IL17RA: variants seen among roughly 807,000 people sequenced by gnomAD.
IL17RA encodes interleukin-17 receptor A.
A neutral mutation model predicts 50.4 loss-of-function variants in IL17RA; 34 were observed. That is an observed-to-expected ratio of 0.67 (90% CI 0.51 to 0.90). The LOEUF (loss-of-function observed/expected upper bound fraction) is 0.90. IL17RA is among the 40% of genes least tolerant of loss of function. The probability of loss-of-function intolerance (pLI) is 0.00; values close to 1 mark genes in which losing one functional copy is unlikely to be tolerated. For synonymous variants in IL17RA, 585 were observed against 510.4 expected (o/e 1.15, Z -1.97); for missense variants, 1,276 against 1,169.8 (o/e 1.09, Z -1.32).
rs1568917407 is a variant in IL17RA at position 17,094,671 on chromosome 22, C to CTATA, written c.139-2390_139-2389insATAT. ...TCATACACACACTCTCTCTCTCTCTCTCTCTCTCTCTCTCTCTCTCTATAT... is the reference window on the plus strand; with the variant it reads ...TCATACACACACTCTCTCTCTCTCTCTATATCTCTCTCTCTCTCTCTCTCTATAT... On this transcript the variant is annotated intron_variant, in intron 1 of 12. Transcript: ENST00000319363. Among the ~76,000 whole-genome samples, 69 of 40,750 alleles carry CTATA rather than the reference C, an allele frequency of 1.7e-3. 10 individuals carry two copies. Among genetic ancestry groups the CTATA allele is most frequent in the Non-Finnish European group, 2.6e-3 (52 of 20,078 alleles). 26.7% of individuals were successfully genotyped at this position (40,750 alleles called of 152,430 possible). A position where few individuals can be genotyped will look rare whatever the true frequency, so the allele number is the denominator to read the frequency against.
chr22:17,094,299 T>A (rs1156820911), intron 1 of IL17RA, among the ~76,000 whole-genome samples: 1 of 152,116 alleles, frequency 6.6e-6, no homozygotes, highest in Non-Finnish European at 1.5e-5. Flanking sequence ...CACTCTTCTT[T>A]ACAGGAGCTA....
chr22:17,094,749 A>G lies in IL17RA; in HGVS notation c.139-2313A>G, dbSNP rs1263278923. Among the ~76,000 whole-genome samples the G allele has an allele frequency of 3.8e-5, 5 of 131,824 alleles. 1 individual carries two copies. Among genetic ancestry groups the G allele is most frequent in the Admixed American group, 2.3e-4 (3 of 12,890 alleles). 86.5% of individuals were successfully genotyped at this position (131,824 alleles called of 152,430 possible). A position where few individuals can be genotyped will look rare whatever the true frequency, so the allele number is the denominator to read the frequency against. ...GAGATCTTTTTCATGACTTATTTCC[A>G]TAGAAATTGGGATCATACTATAAAA... On this transcript the variant is annotated intron_variant, in intron 1 of 12. Coordinates refer to ENST00000319363, the MANE Select transcript of IL17RA (RefSeq NM_014339.7).
chr22:17,107,867 GTCCC>G, intron 12 of IL17RA, 99 bp downstream of exon 12: 1 of 1,051,556 alleles, frequency 9.5e-7, no homozygotes, highest in Non-Finnish European at 1.5e-6. Flanking sequence ...TAACTCCCAA[GTCCC>G]TTCAGGAGAC....
Position 17,109,612 on chromosome 22 carries a change from C to A in IL17RA, c.2393C>A (p.Ser798Tyr). The change falls in exon 13 of 13, where the codon TCC (serine) becomes TAC (tyrosine). Residue 798 changes from serine (S) to tyrosine (Y), a missense_variant. Ser to Tyr is a moderately radical substitution (Grantham distance 144). Transcript: ENST00000319363. ...GTGCAGTCTGACCAGGGCTACATCT[C>A]CAGGAGCTCCCCGCAGCCCCCCGAG... ...QSVQSDQGYI[S>Y]RSSPQPPEGL... The A allele has an allele frequency of 6.2e-7, 1 of 1,605,956 alleles. No homozygotes were observed. The highest frequency in any genetic ancestry group is 8.5e-7 in the Non-Finnish European group (1 of 1,176,548).
intron 1 of IL17RA, among the ~76,000 whole-genome samples, chr22:17,086,580 T>C (rs1472636600): frequency 1.3e-5 from 2 of 152,124 alleles, no homozygotes; most frequent in Non-Finnish European, 1.5e-5. Flanking sequence ...GAACTGGAAC[T>C]ATAAATAAAT....
At position 17,103,480 on chromosome 22, in the gene IL17RA, G is replaced by C; in HGVS notation, c.763-14G>C. On this transcript the variant is annotated splice_polypyrimidine_tract_variant and intron_variant, in intron 7 of 12. Coordinates refer to ENST00000319363, the MANE Select transcript of IL17RA (RefSeq NM_014339.7). ...ATCCCAACTAGCCTTACCCATCCTC[G>C]CCTCTCTCCTCAGCCCAGACCAGAA... The C allele has an allele frequency of 6.2e-7, 1 of 1,611,406 alleles. No individual in the cohort carries two copies.
intron 11 of IL17RA, among the ~76,000 whole-genome samples, chr22:17,107,435 C>T (rs1245169723): frequency 3.3e-5 from 5 of 152,218 alleles, no homozygotes; most frequent in Admixed American, 2.0e-4. Flanking sequence ...GTGCCAGGCA[C>T]GTCACATACA....
chr22:17,104,467 C>T (rs1360321083), intron 8 of IL17RA, among the ~76,000 whole-genome samples: 1 of 152,000 alleles, frequency 6.6e-6, no homozygotes, highest in Non-Finnish European at 1.5e-5. Flanking sequence ...AAAGCTTGTC[C>T]TCTCTGTGGC....
At chr22:17,105,338 G>GAAGGC (rs1420383436) in intron 9 of IL17RA, among the ~76,000 whole-genome samples, 1 of 152,214 alleles carries the variant, frequency 6.6e-6, no homozygotes, top group Non-Finnish European at 1.5e-5. Flanking sequence ...GTGCTCACCA[G>GAAGGC]AAGGCAAGGC....
chr22:17,102,146 G>A lies in IL17RA; in HGVS notation c.606G>A (p.Leu202=), dbSNP rs1330686294. 1 of 1,614,150 alleles carries A rather than the reference G, an allele frequency of 6.2e-7. No individual in the cohort carries two copies. Among genetic ancestry groups the A allele is most frequent in the Middle Eastern group, 1.6e-4 (1 of 6,062 alleles). ...VTTPCMSSGS[L]WDPNITVETL... is the part of the protein sequence containing the mutation. ...CGTGTGTGACCTTGGCAGGCAGCCT[G>A]TGGGACCCCAACATCACCGTGGAGA... The change falls in exon 7 of 13, where the codon CTG becomes CTA. Residue 202 remains leucine (L), a synonymous_variant. Transcript: ENST00000319363.
At position 17,115,602 on chromosome 22, in the gene IL17RA, A is replaced by G. The variant is rs569904605; in HGVS notation, c.*5782A>G. 49 of 150,226 alleles carry G rather than the reference A, an allele frequency of 3.3e-4. No homozygotes were observed. Among genetic ancestry groups the G allele is most frequent in the African/African-American group, 1.1e-3 (46 of 41,058 alleles). 9.3% of individuals were successfully genotyped at this position (150,226 alleles called of 1,614,324 possible). A position where few individuals can be genotyped will look rare whatever the true frequency, so the allele number is the denominator to read the frequency against. ...TCTGTGCTAAGAAAAAAAAAAAATC[A>G]CTGTGTGTTTGTTTATTTTGGTGCA... On this transcript the variant is annotated 3_prime_UTR_variant, in exon 13 of 13. Coordinates refer to ENST00000319363, the MANE Select transcript of IL17RA (RefSeq NM_014339.7).
chr22:17,113,482 C>G lies in IL17RA; in HGVS notation c.*3662C>G, dbSNP rs2061453521. The stretch of plus-strand genomic sequence containing the variant: ...AAAGTGCTGGGATTATAGGCCTGAG[C>G]CCACCGTGCCTGGCCTTTCCTGTTT... On this transcript the variant is annotated 3_prime_UTR_variant, in exon 13 of 13. Transcript: ENST00000319363. 6.6e-6 allele frequency: 1 copy of G among 152,242 alleles called. No individual in the cohort carries two copies. The highest frequency in any genetic ancestry group is 1.5e-5 in the Non-Finnish European group (1 of 68,070). 9.4% of individuals were successfully genotyped at this position (152,242 alleles called of 1,614,324 possible). A position where few individuals can be genotyped will look rare whatever the true frequency, so the allele number is the denominator to read the frequency against.
intron 4 of IL17RA, 49 bp downstream of exon 4, chr22:17,098,936 A>G (rs2061379534): frequency 6.9e-7 from 1 of 1,448,654 alleles, no homozygotes; most frequent in Non-Finnish European, 9.7e-7. Context: ...TGACACCAGT[A>G]CAGACTTCTT....
intron 1 of IL17RA, among the ~76,000 whole-genome samples, chr22:17,088,499 T>C (rs1225570300): frequency 6.7e-6 from 1 of 149,718 alleles, no homozygotes; most frequent in African/African-American, 2.5e-5. Context: ...TTGTTTTTTG[T>C]TTTTTTGACA....
chr22:17,102,430 A>G, intron 7 of IL17RA, 128 bp downstream of exon 7: 3 of 1,000,184 alleles, frequency 3.0e-6, no homozygotes, highest in African/African-American at 1.6e-5. Context: ...TGCTTAGTCC[A>G]TAGTGATCAT....
At chr22:17,106,609 G>A (rs938545822) in intron 11 of IL17RA, among the ~76,000 whole-genome samples, 2 of 152,218 alleles carry the variant, frequency 1.3e-5, no homozygotes, top group African/African-American at 4.8e-5. Context: ...GAGAACACAG[G>A]CCTTCCGGTT....
rs1057518745 is a variant in IL17RA at position 17,097,829 on chromosome 22, C to A, written c.196C>A (p.Arg66=). ...TCLDDSWIHP[R]NLTPSSPKDL... is the part of the protein sequence containing the mutation. ...CCTGGATGACAGCTGGATTCACCCT[C>A]GAAACCTGACCCCCTCCTCCCCAAA... Residue 66 remains arginine (R), a synonymous_variant, in exon 3 of 13, where the codon CGA becomes AGA. Coordinates refer to ENST00000319363, the MANE Select transcript of IL17RA (RefSeq NM_014339.7). The A allele has an allele frequency of 6.2e-7, 1 of 1,614,216 alleles. No homozygotes were observed. The highest frequency in any genetic ancestry group is 8.5e-7 in the Non-Finnish European group (1 of 1,180,044).
rs1048478651 is a variant in IL17RA at position 17,115,328 on chromosome 22, G to A, written c.*5508G>A. On this transcript the variant is annotated 3_prime_UTR_variant, in exon 13 of 13. Transcript: ENST00000319363. Reference sequence around the variant, plus strand: ...CTTAGGGGAAAGGACCATTTCACATGTGTCACCTCATGTGATTCTCACCAC... The same window carrying A: ...CTTAGGGGAAAGGACCATTTCACATATGTCACCTCATGTGATTCTCACCAC... 6.6e-6 allele frequency: 1 copy of A among 152,226 alleles called. No individual in the cohort carries two copies. The highest frequency in any genetic ancestry group is 2.4e-5 in the African/African-American group (1 of 41,460). 9.4% of individuals were successfully genotyped at this position (152,226 alleles called of 1,614,324 possible). A position where few individuals can be genotyped will look rare whatever the true frequency, so the allele number is the denominator to read the frequency against.
chr22:17,098,198 GA>G (rs1423408409), intron 3 of IL17RA, among the ~76,000 whole-genome samples: 5 of 151,838 alleles, frequency 3.3e-5, no homozygotes, highest in Admixed American at 1.3e-4. Flanking sequence ...ACCCTGAGGG[GA>G]AAAAAAAGCA....
Sources: gnomAD v4.1 joint callset for allele counts (sites outside exome capture counted in the v4.1 genomes callset) on GRCh38, gnomAD v4.1.1 for gene constraint, MANE v1.5 for transcripts, NCBI Gene and HGNC (gene_info 2026-07-23, HGNC 2026-07-21) for gene names.